ZNF277: variants seen among roughly 807,000 people sequenced by gnomAD.
ZNF277 encodes zinc finger protein 277, also known as nuclear receptor-interacting factor 4.
A neutral mutation model predicts 60.7 loss-of-function variants in ZNF277; 55 were observed. That is an observed-to-expected ratio of 0.91 (90% CI 0.73 to 1.13). The LOEUF (loss-of-function observed/expected upper bound fraction) is 1.13. ZNF277 is among the 50% of genes most tolerant of loss of function. The probability of loss-of-function intolerance (pLI) is 0.00; values close to 1 mark genes in which losing one functional copy is unlikely to be tolerated. For synonymous variants in ZNF277, 178 were observed against 179.3 expected, an observed-to-expected ratio of 0.99 and a Z score of 0.06; for missense variants, 510 against 523.0, an observed-to-expected ratio of 0.98 and a Z score of 0.24.
At chr7:112,261,043 T>G (rs1791427050) in intron 1 of ZNF277, among the ~76,000 whole-genome samples, 1 of 152,224 alleles carries the variant, frequency 6.6e-6, no homozygotes, top group Non-Finnish European at 1.5e-5. Flanking sequence ...TAGTTTCTAT[T>G]AGATCTTGCT....
chr7:112,226,770 G>A (rs1822186608), intron 1 of ZNF277, among the ~76,000 whole-genome samples: 1 of 152,052 alleles, frequency 6.6e-6, no homozygotes, highest in Non-Finnish European at 1.5e-5. Flanking sequence ...AGAAATGTCA[G>A]TTTCTGAATT....
rs776462824 is a variant in ZNF277, at chr7:112,286,847, T to C, written c.92-26T>C. The C allele has an allele frequency of 1.3e-5, 17 of 1,295,290 alleles. No homozygotes were observed. The East Asian group carries it at 1.4e-4, about 11-fold the overall frequency. 80.2% of individuals were successfully genotyped at this position (1,295,290 alleles called of 1,614,324 possible). On this transcript the variant is annotated intron_variant, in intron 1 of 11. Coordinates refer to ENST00000361822, the MANE Select transcript of ZNF277 (RefSeq NM_021994.3). ...TTTCAGCTTTTCTTTCTTTCTTTTT[T>C]TTTTTTTTTTTTTGGTCTATTCCAG...
intron 10 of ZNF277, 119 bp downstream of exon 10, chr7:112,340,004 A>G (rs554523044): frequency 2.2e-6 from 2 of 891,958 alleles, no homozygotes; most frequent in East Asian, 2.4e-5. Flanking sequence ...ATGTCTCTCT[A>G]TAGATGGTCT....
At chr7:112,262,106 C>A (rs1251607046) in intron 1 of ZNF277, among the ~76,000 whole-genome samples, 1 of 151,936 alleles carries the variant, frequency 6.6e-6, no homozygotes, top group Non-Finnish European at 1.5e-5. Context: ...ACAATGAGTT[C>A]TTTTCACTAC....
At chr7:112,290,598 T>C (rs533557896) in intron 2 of ZNF277, among the ~76,000 whole-genome samples, 414 of 152,342 alleles carry the variant, frequency 2.7e-3, no homozygotes, top group Non-Finnish European at 4.9e-3. Context: ...CCTTGTCAAC[T>C]GTCCTTCTAA....
chr7:112,265,420 C>T (rs750266313), intron 1 of ZNF277, among the ~76,000 whole-genome samples: 30 of 152,044 alleles, frequency 2.0e-4, no homozygotes, highest in Admixed American at 5.9e-4. Flanking sequence ...CTTATATGGG[C>T]GCAATTTGTT....
intron 3 of ZNF277, 27 bp downstream of exon 3, chr7:112,295,984 T>G: frequency 6.6e-7 from 1 of 1,506,130 alleles, no homozygotes; most frequent in Non-Finnish European, 9.2e-7. Flanking sequence ...GCTACCATCT[T>G]TTCCCTACAG....
intron 1 of ZNF277, among the ~76,000 whole-genome samples, chr7:112,226,944 A>G (rs1822192169): frequency 2.0e-5 from 3 of 152,182 alleles, no homozygotes. Context: ...TTCAGAGCCA[A>G]CTGGCAAATT....
intron 4 of ZNF277, among the ~76,000 whole-genome samples, chr7:112,315,848 T>C (rs925966513): frequency 6.6e-6 from 1 of 152,136 alleles, no homozygotes; most frequent in African/African-American, 2.4e-5. Flanking sequence ...CTCATTTGTA[T>C]TGAATTCATC....
At chr7:112,330,720 A>G (rs1793211130) in intron 7 of ZNF277, among the ~76,000 whole-genome samples, 1 of 151,858 alleles carries the variant, frequency 6.6e-6, no homozygotes. Context: ...ACTGTGCTGC[A>G]CAGCACTGGG....
chr7:112,312,037 C>T, intron 4 of ZNF277, among the ~76,000 whole-genome samples: 1 of 152,070 alleles, frequency 6.6e-6, no homozygotes, highest in East Asian at 1.9e-4. Context: ...CTCCATTCAA[C>T]AGTTATTGTG....
Position 112,297,987 on chromosome 7 carries a change from A to G in ZNF277, c.465+1676A>G, listed in dbSNP as rs1792391923. 2.0e-5 allele frequency among the ~76,000 whole-genome samples: 3 copies of G among 152,192 alleles called. No homozygotes were observed. The South Asian group carries it at 6.2e-4, about 31-fold the overall frequency. On this transcript the variant is annotated intron_variant, in intron 4 of 11. Transcript: ENST00000361822. ...TACCTTTTTTACTTTACAGTTTGAT[A>G]GTGATACATTTAATGGAAGTGAGCA...
intron 1 of ZNF277, among the ~76,000 whole-genome samples, chr7:112,253,690 C>T (rs371323241): frequency 6.7e-4 from 102 of 152,284 alleles, no homozygotes; most frequent in African/African-American, 2.4e-3. Flanking sequence ...AATGTTATTT[C>T]TGCCACTTTT....
At chr7:112,304,215 T>A (rs1475319877) in intron 4 of ZNF277, among the ~76,000 whole-genome samples, 1 of 152,160 alleles carries the variant, frequency 6.6e-6, no homozygotes, top group African/African-American at 2.4e-5. Flanking sequence ...TAATAGTTTT[T>A]GTTTTAGTAC....
chr7:112,278,440 C>G (rs1157541863), intron 1 of ZNF277, among the ~76,000 whole-genome samples: 1 of 152,138 alleles, frequency 6.6e-6, no homozygotes, highest in Non-Finnish European at 1.5e-5. Context: ...ATGCCCATCT[C>G]TCTTCATCCT....
chr7:112,340,773 GTTGA>G, intron 10 of ZNF277, 95 bp from the exon 11 acceptor site: 1 of 992,930 alleles, frequency 1.0e-6, no homozygotes, highest in Non-Finnish European at 1.5e-6. Context: ...GCCTCTTCAG[GTTGA>G]TTAATAAAAA....
At chr7:112,251,354 G>C (rs368574368) in intron 1 of ZNF277, among the ~76,000 whole-genome samples, 2 of 152,164 alleles carry the variant, frequency 1.3e-5, no homozygotes, top group Non-Finnish European at 2.9e-5. Context: ...GTTTCTGCTC[G>C]TACAGATTTT....
At chr7:112,270,180 C>A (rs1455690781) in intron 1 of ZNF277, among the ~76,000 whole-genome samples, 2 of 152,100 alleles carry the variant, frequency 1.3e-5, no homozygotes, top group Admixed American at 1.3e-4. Flanking sequence ...CCAGTTGATT[C>A]TTTGCATCCT....
intron 1 of ZNF277, among the ~76,000 whole-genome samples, chr7:112,245,257 C>T (rs1587112143): frequency 6.6e-6 from 1 of 152,100 alleles, no homozygotes; most frequent in Non-Finnish European, 1.5e-5. Flanking sequence ...GCAGTCAGCA[C>T]GTACATTGTT....
Sources: allele counts gnomAD v4.1 joint callset (sites outside exome capture counted in the v4.1 genomes callset), GRCh38; gene constraint gnomAD v4.1.1; transcripts MANE v1.5; gene names NCBI Gene and HGNC (gene_info 2026-07-23, HGNC 2026-07-21).